Variants in UBXN7 observed in about 807,000 individuals in gnomAD.
UBXN7 encodes the protein UBX domain protein 7.
A neutral mutation model predicts 58.0 loss-of-function variants in UBXN7; 9 were observed. That is an observed-to-expected ratio of 0.16 (90% CI 0.09 to 0.27). The LOEUF (loss-of-function observed/expected upper bound fraction) is 0.27, where lower values mean the gene tolerates loss of function less well. Ranked by LOEUF, UBXN7 falls within the 10% of genes least tolerant of loss-of-function variation. The pLI is 1.00. For synonymous variants in UBXN7, 208 were observed against 205.0 expected, an observed-to-expected ratio of 1.01 and a Z score of -0.12; for missense variants, 328 against 599.6, an observed-to-expected ratio of 0.55 and a Z score of 4.73.
chr3:196,391,248 A>T (rs1408280019), intron 5 of UBXN7, among the ~76,000 whole-genome samples: 1 of 152,222 alleles, frequency 6.6e-6, no homozygotes, highest in Admixed American at 6.5e-5. Flanking sequence ...CAAAGATTCT[A>T]AAATGACACC....
rs1446021790 is a variant in UBXN7 at position 196,349,544 on chromosome 3, G to A, written c.*7141C>T. Reference sequence around the variant, plus strand: ...CTGTAAAATCATGTTGCTGCAAACAGCAAGGCATCCAGCTGAGTGTAAGCA... The same window carrying A: ...CTGTAAAATCATGTTGCTGCAAACAACAAGGCATCCAGCTGAGTGTAAGCA... On this transcript the variant is annotated 3_prime_UTR_variant, in exon 11 of 11. Transcript: ENST00000296328. The A allele has an allele frequency of 6.6e-6, 1 of 152,198 alleles. No homozygotes were observed. The highest frequency in any genetic ancestry group is 1.5e-5 in the Non-Finnish European group (1 of 68,046). The allele number at this position is 152,198 out of a possible 1,614,324, so 9.4% of individuals were successfully genotyped here.
At chr3:196,373,340 C>T (rs761636472) in intron 5 of UBXN7, among the ~76,000 whole-genome samples, 4 of 152,142 alleles carry the variant, frequency 2.6e-5, no homozygotes, top group Admixed American at 6.6e-5. Context: ...ATACATCAAT[C>T]GTTAGTGCGT....
rs1042552589 is a variant in UBXN7, at chr3:196,351,150, A to T, written c.*5535T>A. 2 of 152,262 alleles carry T rather than the reference A, an allele frequency of 1.3e-5. No individual in the cohort carries two copies. Among genetic ancestry groups the T allele is most frequent in the African/African-American group, 4.8e-5 (2 of 41,476 alleles). The allele number at this position is 152,262 out of a possible 1,614,324, so 9.4% of individuals were successfully genotyped here. A position where few individuals can be genotyped will look rare whatever the true frequency, so the allele number is the denominator to read the frequency against. ...TTCTGTGGAATAAAAAACATTTTTAAGTCAGCCTAATTGTATCTTTAAAAA... is the reference window on the plus strand; with the variant it reads ...TTCTGTGGAATAAAAAACATTTTTATGTCAGCCTAATTGTATCTTTAAAAA... On this transcript the variant is annotated 3_prime_UTR_variant, in exon 11 of 11. Transcript: ENST00000296328.
intron 5 of UBXN7, among the ~76,000 whole-genome samples, chr3:196,379,538 A>C (rs1279856872): frequency 6.6e-6 from 1 of 152,152 alleles, no homozygotes; most frequent in Non-Finnish European, 1.5e-5. Flanking sequence ...AGAGGGAAAA[A>C]GATTCAACTT....
At chr3:196,369,549 T>C in intron 6 of UBXN7, 38 bp from the exon 7 acceptor site, 1 of 1,517,936 alleles carries the variant, frequency 6.6e-7, no homozygotes, top group Non-Finnish European at 9.0e-7. Context: ...AGTCAGCCTC[T>C]AAGAAAAGAA....
At chr3:196,380,292 A>G (rs1268350321) in intron 5 of UBXN7, among the ~76,000 whole-genome samples, 1 of 152,078 alleles carries the variant, frequency 6.6e-6, no homozygotes. Flanking sequence ...GGAATGAAGA[A>G]CAGCCACTCC....
chr3:196,429,657 A>C (rs1237141062), intron 1 of UBXN7, among the ~76,000 whole-genome samples: 1 of 152,234 alleles, frequency 6.6e-6, no homozygotes, highest in East Asian at 1.9e-4. Flanking sequence ...CACTACGATT[A>C]AAACGTATGT....
intron 5 of UBXN7, among the ~76,000 whole-genome samples, chr3:196,372,326 C>CTCTCTCTCTCTCTCTCT (rs1438586078): frequency 2.8e-5 from 4 of 143,228 alleles, no homozygotes; most frequent in South Asian, 2.3e-4. Flanking sequence ...CTCTCTCTCT[C>CTCTCTCTCTCTCTCTCT]CTTTCTTTCT....
At chr3:196,427,464 T>G (rs1730885153) in intron 1 of UBXN7, among the ~76,000 whole-genome samples, 1 of 151,992 alleles carries the variant, frequency 6.6e-6, no homozygotes, top group Admixed American at 6.6e-5. Flanking sequence ...ACTACAGGCG[T>G]GCACCACCAT....
chr3:196,365,249 T>TAA (rs11317854), intron 8 of UBXN7, among the ~76,000 whole-genome samples: 3 of 127,922 alleles, frequency 2.3e-5, no homozygotes, highest in Non-Finnish European at 3.3e-5. Flanking sequence ...TTCCCCACCT[T>TAA]AAAAAAAAAA....
chr3:196,412,983 G>C (rs929014055), intron 1 of UBXN7, among the ~76,000 whole-genome samples: 1 of 152,114 alleles, frequency 6.6e-6, no homozygotes, highest in African/African-American at 2.4e-5. Flanking sequence ...GAGTTATAGA[G>C]AGGGACGGTG....
rs1282785969 is a variant in UBXN7, at chr3:196,350,091, T to G, written c.*6594A>C. 6.6e-6 allele frequency: 1 copy of G among 152,260 alleles called. No individual in the cohort carries two copies. Among genetic ancestry groups the G allele is most frequent in the Non-Finnish European group, 1.5e-5 (1 of 68,048 alleles). 9.4% of individuals were successfully genotyped at this position (152,260 alleles called of 1,614,324 possible). A position where few individuals can be genotyped will look rare whatever the true frequency, so the allele number is the denominator to read the frequency against. On this transcript the variant is annotated 3_prime_UTR_variant, in exon 11 of 11. Coordinates refer to ENST00000296328, the MANE Select transcript of UBXN7 (RefSeq NM_015562.2). Reference sequence around the variant, plus strand: ...CTGTGATTGCTCTTGGGAAAAATACTATCATTGGTATTTGCCATCTCTAAT... The same window carrying G: ...CTGTGATTGCTCTTGGGAAAAATACGATCATTGGTATTTGCCATCTCTAAT...
Position 196,356,486 on chromosome 3 carries a change from G to C in UBXN7, c.*199C>G, listed in dbSNP as rs1728352952. On this transcript the variant is annotated 3_prime_UTR_variant, in exon 11 of 11. Transcript: ENST00000296328. ...GGCAGAAGGGTACGGAGTGGGGAGC[G>C]AGAAAACAGAAGAGGAGAAAGAAAC... 5 of 540,232 alleles carry C rather than the reference G, an allele frequency of 9.3e-6. No homozygotes were observed. The South Asian group carries it at 1.1e-4, about 12-fold the overall frequency. The allele number at this position is 540,232 out of a possible 1,614,324, so 33.5% of individuals were successfully genotyped here. A position where few individuals can be genotyped will look rare whatever the true frequency, so the allele number is the denominator to read the frequency against.
rs1728241368 is a variant in UBXN7 at position 196,352,584 on chromosome 3, T to C, written c.*4101A>G. ...CAGATTTCAAAATACTTCCAACTTC[T>C]ATAAAGAACTCAATAGCTAATTGTT... On this transcript the variant is annotated 3_prime_UTR_variant, in exon 11 of 11. Coordinates refer to ENST00000296328, the MANE Select transcript of UBXN7 (RefSeq NM_015562.2). The surrounding 1 kb of genome is among the most constrained non-coding windows in gnomAD (Gnocchi z 4.1). 1 of 152,144 alleles carries C rather than the reference T, an allele frequency of 6.6e-6. No individual in the cohort carries two copies. Among genetic ancestry groups the C allele is most frequent in the Admixed American group, 6.5e-5 (1 of 15,276 alleles). 9.4% of individuals were successfully genotyped at this position (152,144 alleles called of 1,614,324 possible). A position where few individuals can be genotyped will look rare whatever the true frequency, so the allele number is the denominator to read the frequency against.
intron 3 of UBXN7, among the ~76,000 whole-genome samples, chr3:196,396,444 A>C (rs1481546808): frequency 6.6e-6 from 1 of 152,024 alleles, no homozygotes; most frequent in African/African-American, 2.4e-5. Context: ...TAGATATCTG[A>C]AACTTTTTAA....
At chr3:196,408,722 T>C (rs1239341035) in intron 1 of UBXN7, among the ~76,000 whole-genome samples, 1 of 152,242 alleles carries the variant, frequency 6.6e-6, no homozygotes, top group African/African-American at 2.4e-5. Flanking sequence ...TCTCAGAATA[T>C]TGAAGACAGC....
chr3:196,416,518 T>C (rs77114310), intron 1 of UBXN7, among the ~76,000 whole-genome samples: 1,839 of 152,180 alleles, frequency 0.012, 49 homozygotes, highest in African/African-American at 0.043. Context: ...CCACCCTTCA[T>C]CTACCAGAAC....
At chr3:196,396,972 T>C (rs1359430616) in intron 3 of UBXN7, among the ~76,000 whole-genome samples, 2 of 152,186 alleles carry the variant, frequency 1.3e-5, no homozygotes, top group Non-Finnish European at 2.9e-5. Context: ...GTTCCTCTTA[T>C]TGCTATCCTT....
At chr3:196,382,532 A>T (rs1729238757) in intron 5 of UBXN7, among the ~76,000 whole-genome samples, 1 of 152,216 alleles carries the variant, frequency 6.6e-6, no homozygotes, top group South Asian at 2.1e-4. Flanking sequence ...CACTGCAAAA[A>T]CATGCCAAAT....
Sources: gnomAD v4.1 joint callset for allele counts (sites outside exome capture counted in the v4.1 genomes callset) on GRCh38, gnomAD v4.1.1 for gene constraint, Gnocchi (gnomAD v3.1) non-coding constraint, MANE v1.5 for transcripts, NCBI Gene and HGNC (gene_info 2026-07-23, HGNC 2026-07-21) for gene names.